Variants in DYNC2LI1 observed in about 807,000 individuals in gnomAD.
DYNC2LI1 encodes the protein dynein cytoplasmic 2 light intermediate chain 1.
DYNC2LI1 carries 45 observed loss-of-function variants against 51.9 expected under a neutral mutation model. The ratio of observed to expected loss-of-function variants is 0.87; its 90% CI spans 0.68 to 1.11. The LOEUF is 1.11. Ranked by LOEUF, DYNC2LI1 falls within the 50% of genes most tolerant of loss-of-function variation. The pLI is 0.00. For synonymous variants in DYNC2LI1, 130 were observed against 137.8 expected (o/e 0.94, Z 0.40); for missense variants, 490 against 417.4 (o/e 1.17, Z -1.51).
intron 1 of DYNC2LI1, among the ~76,000 whole-genome samples, chr2:43,774,962 T>A (rs1442825980): frequency 6.6e-6 from 1 of 152,192 alleles, no homozygotes; most frequent in African/African-American, 2.4e-5. Context: ...GGCTCACCTG[T>A]GAAATAAATG....
intron 2 of DYNC2LI1, among the ~76,000 whole-genome samples, chr2:43,780,808 C>G (rs1673242507): frequency 6.6e-6 from 1 of 151,966 alleles, no homozygotes; most frequent in African/African-American, 2.4e-5. Flanking sequence ...GGCTGGACAT[C>G]TGGGGCGATT....
rs769373522 is a variant in DYNC2LI1, at chr2:43,794,617, T to G, written c.481T>G (p.Trp161Gly). 2.5e-6 allele frequency: 4 copies of G among 1,613,988 alleles called. No individual in the cohort carries two copies. The East Asian group carries it at 8.9e-5, about 36-fold the overall frequency. Residue 161 changes from tryptophan to glycine, a missense_variant, in exon 6 of 13, where the codon TGG (tryptophan) becomes GGG (glycine). Trp to Gly is a radical substitution (Grantham distance 184). Coordinates refer to ENST00000260605, the MANE Select transcript of DYNC2LI1 (RefSeq NM_016008.4). Reference protein sequence around the residue: ...KAVSEMRQKIWNNMPKDHPDH... With the variant: ...KAVSEMRQKIGNNMPKDHPDH... ...AGTTTCTGAAATGAGACAGAAGATCTGGAATAATATGCCGAAGGATCATCC... is the reference window on the plus strand; with the variant it reads ...AGTTTCTGAAATGAGACAGAAGATCGGGAATAATATGCCGAAGGATCATCC...
At chr2:43,795,041 A>G in intron 6 of DYNC2LI1, 1 of 1,061,448 alleles carries the variant, frequency 9.4e-7, no homozygotes. Flanking sequence ...CTTCACCATC[A>G]CTCTGTATTT....
the DYNC2LI1 span, among the ~76,000 whole-genome samples, chr2:43,820,768 C>T: frequency 0.011 from 1,675 of 152,278 alleles, 21 homozygotes; most frequent in Non-Finnish European, 0.018. Flanking sequence ...ATTCTCCTGC[C>T]TCAGCCTCCC....
In DYNC2LI1 at chr2:43,789,628, T is replaced by C; in HGVS notation, c.232-5T>C. 1 of 1,612,432 alleles carries C rather than the reference T, an allele frequency of 6.2e-7. No individual in the cohort carries two copies. The highest frequency in any genetic ancestry group is 8.5e-7 in the Non-Finnish European group (1 of 1,179,490). Reference sequence around the variant, plus strand: ...TTCAAAAAATCAAAAATTTTTGTTTTTCAGCCAAAAGATATCGCTCACTTT... The same window carrying C: ...TTCAAAAAATCAAAAATTTTTGTTTCTCAGCCAAAAGATATCGCTCACTTT... On this transcript the variant is annotated splice_region_variant and splice_polypyrimidine_tract_variant and intron_variant, in intron 4 of 12. Coordinates refer to ENST00000260605, the MANE Select transcript of DYNC2LI1 (RefSeq NM_016008.4).
At chr2:43,822,867 G>C in the DYNC2LI1 span, 1 of 1,614,160 alleles carries the variant, frequency 6.2e-7, no homozygotes, top group Non-Finnish European at 8.5e-7. Context: ...GCATAGGCCA[G>C]CATCATCTGC....
chr2:43,795,816 G>A (rs1246348657), intron 6 of DYNC2LI1, 74 bp from the exon 7 acceptor site: 1 of 1,116,756 alleles, frequency 9.0e-7, no homozygotes, highest in African/African-American at 1.5e-5. Context: ...GAATGTTTTT[G>A]GAAGTAAATA....
intron 12 of DYNC2LI1, among the ~76,000 whole-genome samples, chr2:43,807,130 T>C (rs890550561): frequency 4.6e-5 from 7 of 152,172 alleles, no homozygotes; most frequent in African/African-American, 1.7e-4. Flanking sequence ...ATTTGAATAT[T>C]ATTTCATACT....
chr2:43,788,749 A>T (rs1052437351), intron 4 of DYNC2LI1, among the ~76,000 whole-genome samples: 10 of 152,158 alleles, frequency 6.6e-5, no homozygotes, highest in African/African-American at 2.2e-4. Context: ...CCTCCCAAGT[A>T]AACTGTCACC....
the DYNC2LI1 span, among the ~76,000 whole-genome samples, chr2:43,825,965 A>G: frequency 1.3e-5 from 2 of 149,658 alleles, no homozygotes; most frequent in African/African-American, 4.9e-5. Flanking sequence ...CCAATTCTCT[A>G]GCACTAACGG....
At chr2:43,774,279 C>G (rs944938078) in intron 1 of DYNC2LI1, 133 bp downstream of exon 1, 4 of 1,200,808 alleles carry the variant, frequency 3.3e-6, no homozygotes, top group South Asian at 2.7e-5. Flanking sequence ...GGTCGGGGAC[C>G]TAGGAATCAG....
At chr2:43,783,461 A>T in intron 2 of DYNC2LI1, 59 bp from the exon 3 acceptor site, 1 of 1,274,054 alleles carries the variant, frequency 7.8e-7, no homozygotes, top group Non-Finnish European at 1.1e-6. Context: ...TACGAACAAT[A>T]ATACAATTTT....
At chr2:43,824,577 A>G in the DYNC2LI1 span, 7 of 1,548,388 alleles carry the variant, frequency 4.5e-6, no homozygotes, top group South Asian at 8.4e-5. Context: ...ATAAAATCAG[A>G]ATACTTTAAA....
At chr2:43,812,403 C>T (rs1666530231), downstream of DYNC2LI1, 1 of 148,192 alleles carries the variant, frequency 6.7e-6, no homozygotes, top group Non-Finnish European at 1.5e-5. Context: ...TAAGTAAACT[C>T]AGCTGAAAGT....
chr2:43,808,256 A>G (rs1666341791), intron 12 of DYNC2LI1, among the ~76,000 whole-genome samples: 1 of 122,326 alleles, frequency 8.2e-6, no homozygotes, highest in Non-Finnish European at 1.7e-5. Flanking sequence ...CCAATGAGGA[A>G]GTTAAAGGAA....
chr2:43,828,192 G>A, the DYNC2LI1 span: 1 of 1,603,044 alleles, frequency 6.2e-7, no homozygotes, highest in South Asian at 1.1e-5. Flanking sequence ...GGGAGGACAT[G>A]AAAGAGGCAG....
chr2:43,786,731 CAGGAGAATGGCGTGAACCCA>C (rs2104678616), intron 3 of DYNC2LI1, among the ~76,000 whole-genome samples: 1 of 152,264 alleles, frequency 6.6e-6, no homozygotes, highest in Admixed American at 6.5e-5. Context: ...GAGGCTGAGG[CAGGAGAATGGCGTGAACCCA>C]GGAGGCGGAG....
chr2:43,790,500 T>A (rs1275539602), intron 5 of DYNC2LI1, among the ~76,000 whole-genome samples: 1 of 152,170 alleles, frequency 6.6e-6, no homozygotes, highest in African/African-American at 2.4e-5. Flanking sequence ...AATGGGACCG[T>A]TGTTTTTCTA....
intron 3 of DYNC2LI1, among the ~76,000 whole-genome samples, chr2:43,786,864 C>G (rs1673544113): frequency 6.6e-6 from 1 of 152,070 alleles, no homozygotes; most frequent in Non-Finnish European, 1.5e-5. Context: ...CACCCAGTGT[C>G]AGTGCTTCCT....
Sources: gnomAD v4.1 joint callset for allele counts (sites outside exome capture counted in the v4.1 genomes callset) on GRCh38, gnomAD v4.1.1 for gene constraint, MANE v1.5 for transcripts, NCBI Gene and HGNC (gene_info 2026-07-23, HGNC 2026-07-21) for gene names.